XKR4: variants seen among roughly 807,000 people sequenced by gnomAD.
XKR4 encodes the protein XK-related protein 4.
A neutral mutation model predicts 53.9 loss-of-function variants in XKR4; 12 were observed. The observed-to-expected ratio is 0.22, with a 90% confidence interval of 0.14 to 0.36. The LOEUF (loss-of-function observed/expected upper bound fraction) is 0.36. Ranked by LOEUF, XKR4 falls within the 10% of genes least tolerant of loss-of-function variation. The pLI is 1.00. For synonymous variants in XKR4, 354 were observed against 362.4 expected (o/e 0.98, Z 0.26); for missense variants, 799 against 859.5 (o/e 0.93, Z 0.88).
Position 55,357,757 on chromosome 8 carries a change from G to A in XKR4, c.886G>A (p.Val296Ile). 1.2e-6 allele frequency: 2 copies of A among 1,614,204 alleles called. No homozygotes were observed. The highest frequency in any genetic ancestry group is 1.7e-6 in the Non-Finnish European group (2 of 1,180,034). Reference sequence around the variant, plus strand: ...CAGATGGAGGTTTTACTGGAAAATGGTATATGAGTATGCGGATGTGAGTAT... The same window carrying A: ...CAGATGGAGGTTTTACTGGAAAATGATATATGAGTATGCGGATGTGAGTAT... ...NDRWRFYWKM[V>I]YEYADVSMLH... Residue 296 changes from valine to isoleucine, a missense_variant, in exon 2 of 3, where the codon GTA becomes ATA. Physicochemically the swap from Val to Ile is conservative, Grantham distance 29. This residue lies in a region of XKR4 where 476 missense variants were observed against 505.4 expected (regional missense o/e 0.94). Transcript: ENST00000327381.
chr8:55,170,891 A>C (rs1287290418), intron 1 of XKR4, among the ~76,000 whole-genome samples: 1 of 152,180 alleles, frequency 6.6e-6, no homozygotes, highest in Non-Finnish European at 1.5e-5. Flanking sequence ...CTGCCCGTCC[A>C]ACCTCAGAAG....
intron 1 of XKR4, among the ~76,000 whole-genome samples, chr8:55,304,271 A>T (rs1489811662): frequency 2.0e-5 from 3 of 152,234 alleles, no homozygotes; most frequent in Admixed American, 2.0e-4. Context: ...GTAGTCATTC[A>T]GGAGCAGGTT....
chr8:55,194,731 C>T (rs999995433), intron 1 of XKR4, among the ~76,000 whole-genome samples: 2 of 152,146 alleles, frequency 1.3e-5, no homozygotes, highest in African/African-American at 4.8e-5. Flanking sequence ...ATTTGGAGCC[C>T]TCTAATAGCC....
intron 1 of XKR4, among the ~76,000 whole-genome samples, chr8:55,203,381 T>C (rs150748658): frequency 2.0e-3 from 299 of 152,302 alleles, no homozygotes; most frequent in African/African-American, 5.8e-3. Context: ...AGAGTTGGCT[T>C]TATTGCACCT....
chr8:55,213,634 G>A (rs1817758442), intron 1 of XKR4, among the ~76,000 whole-genome samples: 1 of 152,138 alleles, frequency 6.6e-6, no homozygotes. Flanking sequence ...TTGGGAAAGG[G>A]CTGCTGTCAT....
chr8:55,194,514 C>T (rs542386746), intron 1 of XKR4, among the ~76,000 whole-genome samples: 8 of 152,284 alleles, frequency 5.3e-5, no homozygotes, highest in South Asian at 4.2e-4. Flanking sequence ...GAAAGAGACT[C>T]GTAGCACACT....
chr8:55,449,433 A>G (rs536893567), intron 2 of XKR4: 1 of 722,452 alleles, frequency 1.4e-6, no homozygotes, highest in African/African-American at 1.8e-5. Flanking sequence ...GGCTGTAAAC[A>G]TGGCCAGGGC....
rs1264259521 is a variant in XKR4, at chr8:55,449,466, CGG to C, written c.1007-73814_1007-73813del. The C allele has an allele frequency of 3.2e-6, 3 of 942,756 alleles. No individual in the cohort carries two copies. In the African/African-American group the frequency reaches 4.9e-5, roughly 15 times the overall value. 58.4% of individuals were successfully genotyped at this position (942,756 alleles called of 1,614,324 possible). On this transcript the variant is annotated intron_variant, in intron 2 of 2. Transcript: ENST00000327381. ...GGCTGCCCTGCCCACCCCTAGTGGTCGGTAACGACTGGAAGCAGAGCAGCCAG... is the reference window on the plus strand; with the variant it reads ...GGCTGCCCTGCCCACCCCTAGTGGTCTAACGACTGGAAGCAGAGCAGCCAG...
chr8:55,481,748 C>T (rs1806110986), intron 2 of XKR4, among the ~76,000 whole-genome samples: 1 of 152,090 alleles, frequency 6.6e-6, no homozygotes, highest in Admixed American at 6.5e-5. Flanking sequence ...TATGAACACA[C>T]ACTTCTCAAA....
At chr8:55,339,462 C>T (rs562307338) in intron 1 of XKR4, among the ~76,000 whole-genome samples, 15 of 152,234 alleles carry the variant, frequency 9.9e-5, no homozygotes, top group African/African-American at 2.2e-4. Flanking sequence ...GTGTTCATTC[C>T]GGAAAGCTGA....
intron 2 of XKR4, among the ~76,000 whole-genome samples, chr8:55,476,387 G>A (rs574658633): frequency 7.2e-5 from 11 of 152,176 alleles, no homozygotes; most frequent in African/African-American, 2.7e-4. Context: ...AAACGGATAT[G>A]GTTTTAATCA....
At chr8:55,387,487 G>A (rs1247573878) in intron 2 of XKR4, among the ~76,000 whole-genome samples, 2 of 152,202 alleles carry the variant, frequency 1.3e-5, no homozygotes, top group African/African-American at 4.8e-5. Context: ...GGCAGAATCT[G>A]TGTACTACTT....
intron 1 of XKR4, among the ~76,000 whole-genome samples, chr8:55,274,425 T>G (rs1468292340): frequency 6.6e-6 from 1 of 150,890 alleles, no homozygotes; most frequent in African/African-American, 2.5e-5. Context: ...TATCTGTGGG[T>G]CCAAATTTCC....
chr8:55,462,944 A>C (rs1410739045), intron 2 of XKR4, among the ~76,000 whole-genome samples: 1 of 152,174 alleles, frequency 6.6e-6, no homozygotes. Context: ...ATATATATGC[A>C]CCCAATACAG....
intron 1 of XKR4, among the ~76,000 whole-genome samples, chr8:55,291,263 TA>T (rs1271839847): frequency 6.6e-6 from 1 of 152,230 alleles, no homozygotes; most frequent in African/African-American, 2.4e-5. Context: ...TCTTGATTAC[TA>T]TAGATGTATA....
Position 55,102,292 on chromosome 8 carries a change from C to A in XKR4, c.-197C>A. ...GGCGCTCCTGCCGGCCCCAGGCGCG[C>A]CGCTAGCCCGGCCCAGCGCCCAGCC... On this transcript the variant is annotated 5_prime_UTR_variant, in exon 1 of 3. Coordinates refer to ENST00000327381, the MANE Select transcript of XKR4 (RefSeq NM_052898.2). This position sits in a 1 kb window ranked among gnomAD's most constrained non-coding sequence, Gnocchi z 5.1. 2.8e-6 allele frequency: 2 copies of A among 703,404 alleles called. No homozygotes were observed. Among genetic ancestry groups the A allele is most frequent in the Non-Finnish European group, 3.5e-6 (2 of 573,478 alleles). The allele number at this position is 703,404 out of a possible 1,614,324, so 43.6% of individuals were successfully genotyped here. A position where few individuals can be genotyped will look rare whatever the true frequency, so the allele number is the denominator to read the frequency against.
intron 2 of XKR4, among the ~76,000 whole-genome samples, chr8:55,522,283 G>A (rs7004527): frequency 0.087 from 13,184 of 152,192 alleles, 1,279 homozygotes; most frequent in African/African-American, 0.2. Context: ...AAAATAAGAG[G>A]AGTGATTGAA....
intron 2 of XKR4, among the ~76,000 whole-genome samples, chr8:55,466,646 A>T (rs994019734): frequency 7.2e-5 from 11 of 152,052 alleles, no homozygotes; most frequent in Non-Finnish European, 1.6e-4. Flanking sequence ...TTAAAAAAAT[A>T]TATATGGATA....
At position 55,161,697 on chromosome 8, in the gene XKR4, C is replaced by A. The variant is rs1273084215; in HGVS notation, c.806+58403C>A. The A allele has an allele frequency of 1.1e-5, 5 of 448,338 alleles. No individual in the cohort carries two copies. In the East Asian group the frequency reaches 2.1e-4, roughly 19 times the overall value. The allele number at this position is 448,338 out of a possible 1,614,324, so 27.8% of individuals were successfully genotyped here. The stretch of plus-strand genomic sequence containing the variant: ...AAGTACCTGGTACCTGCCTACTGGT[C>A]ACTGAGCAATTCCTCCAGGCAGGTG... On this transcript the variant is annotated intron_variant, in intron 1 of 2. Transcript: ENST00000327381.
Sources: allele counts gnomAD v4.1 joint callset (sites outside exome capture counted in the v4.1 genomes callset), GRCh38; gene constraint gnomAD v4.1.1; regional missense constraint gnomAD v4.1.1; non-coding constraint Gnocchi (gnomAD v3.1); transcripts MANE v1.5; gene names NCBI Gene and HGNC (gene_info 2026-07-23, HGNC 2026-07-21).